DNM3: variants seen among roughly 807,000 people sequenced by gnomAD.
The protein encoded by DNM3 is dynamin 3.
Under a neutral mutation model 101.6 loss-of-function variants are expected in DNM3, and 47 were observed. The observed-to-expected ratio is 0.46, with a 90% CI of 0.37 to 0.59. The LOEUF (loss-of-function observed/expected upper bound fraction) is 0.59. Among genes scored for constraint, DNM3 ranks in the 20% least tolerant of loss-of-function variants. The pLI is 0.00. For missense variants in DNM3, 849 were observed against 1,085.7 expected (o/e 0.78, Z 3.06); for synonymous variants, 385 against 387.9 (o/e 0.99, Z 0.09).
chr1:172,326,815 A>T (rs2065956646), intron 17 of DNM3, among the ~76,000 whole-genome samples: 1 of 152,190 alleles, frequency 6.6e-6, no homozygotes, highest in Non-Finnish European at 1.5e-5. Flanking sequence ...ACTAAAATGA[A>T]TCCTAGATTC....
intron 1 of DNM3, among the ~76,000 whole-genome samples, chr1:171,918,915 A>G (rs982955719): frequency 6.6e-6 from 1 of 152,210 alleles, no homozygotes; most frequent in Non-Finnish European, 1.5e-5. Context: ...ACAAGCATGA[A>G]TTGAAACAGG....
chr1:172,074,463 C>T (rs541228619), intron 11 of DNM3, among the ~76,000 whole-genome samples: 1 of 152,144 alleles, frequency 6.6e-6, no homozygotes, highest in Non-Finnish European at 1.5e-5. Flanking sequence ...TATCCCTCCC[C>T]TAGCCCCCCA....
At chr1:172,352,743 C>T (rs1363170608) in intron 17 of DNM3, among the ~76,000 whole-genome samples, 2 of 152,142 alleles carry the variant, frequency 1.3e-5, no homozygotes, top group African/African-American at 4.8e-5. Context: ...GAAGATACAG[C>T]TCAAAGCAAT....
intron 13 of DNM3, among the ~76,000 whole-genome samples, chr1:172,115,769 C>T (rs1020712398): frequency 4.6e-5 from 7 of 152,164 alleles, no homozygotes; most frequent in African/African-American, 1.7e-4. Flanking sequence ...ATTGAAGAGG[C>T]CTTTCCTGAT....
intron 14 of DNM3, among the ~76,000 whole-genome samples, chr1:172,236,877 T>C (rs528018114): frequency 3.3e-5 from 5 of 152,260 alleles, no homozygotes; most frequent in South Asian, 4.1e-4. Context: ...GATATCTGGA[T>C]GTGAAGCAGC....
chr1:172,347,033 G>A (rs1477938377), intron 17 of DNM3, among the ~76,000 whole-genome samples: 1 of 152,188 alleles, frequency 6.6e-6, no homozygotes, highest in Non-Finnish European at 1.5e-5. Flanking sequence ...TAAAAGGGGA[G>A]TGATGGGTGG....
chr1:172,022,988 G>A (rs1263975632), intron 4 of DNM3, among the ~76,000 whole-genome samples: 1 of 151,982 alleles, frequency 6.6e-6, no homozygotes, highest in African/African-American at 2.4e-5. Flanking sequence ...CCATGATATT[G>A]TCTTTTTTGA....
At chr1:171,992,904 G>A (rs761398137) in intron 4 of DNM3, among the ~76,000 whole-genome samples, 77 of 151,672 alleles carry the variant, frequency 5.1e-4, no homozygotes, top group Middle Eastern at 3.4e-3. Context: ...GTTGCCATAG[G>A]ATTACAATTA....
chr1:172,411,346 G>C lies in DNM3; in HGVS notation c.*3505G>C. 1 of 984,892 alleles carries C rather than the reference G, an allele frequency of 1.0e-6. No homozygotes were observed. 61.0% of individuals were successfully genotyped at this position (984,892 alleles called of 1,614,324 possible). The stretch of plus-strand genomic sequence containing the variant: ...AACATGGTAATGTCCATAGACATTT[G>C]TATCTGAATCCACAAGAAGATCTGA... On this transcript the variant is annotated 3_prime_UTR_variant, in exon 21 of 21. Transcript: ENST00000627582.
At chr1:172,165,508 T>C (rs2058712892) in intron 14 of DNM3, among the ~76,000 whole-genome samples, 2 of 152,048 alleles carry the variant, frequency 1.3e-5, no homozygotes, top group South Asian at 2.1e-4. Flanking sequence ...TCTCTTAAAT[T>C]GAGCCCCAGC....
chr1:172,291,670 T>C (rs1023626547), intron 15 of DNM3, among the ~76,000 whole-genome samples: 1 of 152,170 alleles, frequency 6.6e-6, no homozygotes, highest in African/African-American at 2.4e-5. Flanking sequence ...AGAAAGCATA[T>C]TTACTACAGA....
intron 14 of DNM3, among the ~76,000 whole-genome samples, chr1:172,172,935 T>C (rs2059015981): frequency 6.6e-6 from 1 of 151,876 alleles, no homozygotes; most frequent in Non-Finnish European, 1.5e-5. Context: ...ATTGTTGGCC[T>C]TTTAACCTCT....
chr1:172,313,592 G>A (rs546728331), intron 16 of DNM3, among the ~76,000 whole-genome samples: 2 of 152,272 alleles, frequency 1.3e-5, no homozygotes, highest in African/African-American at 4.8e-5. Context: ...TCCTGAGCCT[G>A]CCATTTACTA....
intron 10 of DNM3, among the ~76,000 whole-genome samples, chr1:172,064,726 T>G (rs1041632644): frequency 2.0e-5 from 3 of 152,314 alleles, no homozygotes; most frequent in African/African-American, 7.2e-5. Flanking sequence ...AGATTTTGAC[T>G]CTTATACTCC....
intron 14 of DNM3, among the ~76,000 whole-genome samples, chr1:172,211,731 A>C (rs2060522297): frequency 6.6e-6 from 1 of 152,178 alleles, no homozygotes; most frequent in Non-Finnish European, 1.5e-5. Flanking sequence ...GGATGTTTGA[A>C]GACTACACAT....
intron 1 of DNM3, among the ~76,000 whole-genome samples, chr1:171,898,705 T>G (rs59396474): frequency 0.32 from 48,439 of 150,232 alleles, 8,041 homozygotes; most frequent in East Asian, 0.5. Context: ...TATATATATA[T>G]AGAGAGAGAG....
intron 15 of DNM3, among the ~76,000 whole-genome samples, chr1:172,279,281 T>C (rs891491198): frequency 6.6e-6 from 1 of 152,156 alleles, no homozygotes; most frequent in African/African-American, 2.4e-5. Flanking sequence ...TAGTGGACTA[T>C]TGTACCCCAA....
chr1:172,122,932 T>C (rs1271924284), intron 13 of DNM3, among the ~76,000 whole-genome samples: 1 of 152,168 alleles, frequency 6.6e-6, no homozygotes, highest in African/African-American at 2.4e-5. Flanking sequence ...AGAATTATTA[T>C]GTGGATTAAA....
chr1:172,300,866 C>A (rs1215697981), intron 15 of DNM3, among the ~76,000 whole-genome samples: 1 of 152,098 alleles, frequency 6.6e-6, no homozygotes, highest in Non-Finnish European at 1.5e-5. Flanking sequence ...GAAAGGTGTC[C>A]AAAATACCCC....
Sources: allele counts gnomAD v4.1 joint callset (sites outside exome capture counted in the v4.1 genomes callset), GRCh38; gene constraint gnomAD v4.1.1; transcripts MANE v1.5; gene names NCBI Gene and HGNC (gene_info 2026-07-23, HGNC 2026-07-21).